The following MCTP1 variants were observed in gnomAD, a reference collection of about 807,000 sequenced individuals.
MCTP1 encodes the protein multiple C2 and transmembrane domain containing 1, also known as multiple C2 and transmembrane domain-containing protein 1.
A neutral mutation model predicts 120.6 loss-of-function variants in MCTP1; 69 were observed. The observed-to-expected ratio is 0.57, with a 90% confidence interval of 0.47 to 0.70. The LOEUF is 0.70. MCTP1 is among the 30% of genes least tolerant of loss of function. The pLI, the probability that MCTP1 is intolerant of heterozygous loss-of-function variation, is 0.00. For missense variants in MCTP1, 1,203 were observed against 1,248.8 expected (o/e 0.96, Z 0.55); for synonymous variants, 529 against 493.1 (o/e 1.07, Z -0.96).
At chr5:95,197,239 TTA>T (rs1750496031) in intron 1 of MCTP1, among the ~76,000 whole-genome samples, 4 of 152,328 alleles carry the variant, frequency 2.6e-5, no homozygotes, top group African/African-American at 7.2e-5. Flanking sequence ...AGCCAACTTG[TTA>T]AGATTTAATA....
At chr5:95,235,100 T>C (rs188053619) in intron 1 of MCTP1, among the ~76,000 whole-genome samples, 278 of 152,040 alleles carry the variant, frequency 1.8e-3, no homozygotes, top group African/African-American at 6.5e-3. Context: ...ATAAACAATA[T>C]ATAAAATTAA....
chr5:94,844,301 C>CAAAAAAAAAAAAAAAAAAAAAAA (rs59169145), intron 17 of MCTP1, among the ~76,000 whole-genome samples: 8 of 79,706 alleles, frequency 1.0e-4, no homozygotes, highest in Non-Finnish European at 1.1e-4. Flanking sequence ...GACTCTGTCT[C>CAAAAAAAAAAAAAAAAAAAAAAA]AAAAAAAAAA....
At chr5:94,965,574 C>T (rs1378464811) in intron 2 of MCTP1, among the ~76,000 whole-genome samples, 1 of 152,106 alleles carries the variant, frequency 6.6e-6, no homozygotes, top group Non-Finnish European at 1.5e-5. Flanking sequence ...ATCTCCTATT[C>T]TGCCATCTTG....
intron 1 of MCTP1, among the ~76,000 whole-genome samples, chr5:95,213,983 G>C (rs1752721345): frequency 6.6e-6 from 1 of 152,004 alleles, no homozygotes; most frequent in African/African-American, 2.4e-5. Flanking sequence ...AACACCAAAA[G>C]CAATGGCAAC....
At chr5:95,038,908 G>A (rs944426933) in intron 1 of MCTP1, among the ~76,000 whole-genome samples, 3 of 151,906 alleles carry the variant, frequency 2.0e-5, no homozygotes, top group Non-Finnish European at 2.9e-5. Flanking sequence ...TACCCTCTTC[G>A]ACCCTCAATT....
At chr5:94,963,827 A>G (rs886436168) in intron 2 of MCTP1, among the ~76,000 whole-genome samples, 1 of 152,068 alleles carries the variant, frequency 6.6e-6, no homozygotes, top group African/African-American at 2.4e-5. Context: ...ATGTATTCCC[A>G]TGTACCTATC....
At chr5:95,065,267 G>A (rs1582114035) in intron 1 of MCTP1, among the ~76,000 whole-genome samples, 1 of 151,212 alleles carries the variant, frequency 6.6e-6, no homozygotes, top group East Asian at 1.9e-4. Context: ...ATTCTTTAAG[G>A]CCAATAATTG....
At position 95,284,679 on chromosome 5, in the gene MCTP1, TGGC is replaced by T. The variant is rs71910468; in HGVS notation, c.-107_-105del. On this transcript the variant is annotated 5_prime_UTR_variant, in exon 1 of 23. Transcript: ENST00000515393. The surrounding 1 kb of genome is among the most constrained non-coding windows in gnomAD (Gnocchi z 5.2). The stretch of plus-strand genomic sequence containing the variant: ...TCCCGGGTCCCCGCGGCGCTGGCGG[TGGC>T]GGCGGCGGCGGCGGCGGGCGCAGCA... 28,765 of 937,608 alleles carry T rather than the reference TGGC, an allele frequency of 0.031. 919 individuals are homozygous for T. The highest frequency in any genetic ancestry group is 0.15 in the African/African-American group (8,469 of 54,916). The allele number at this position is 937,608 out of a possible 1,614,324, so 58.1% of individuals were successfully genotyped here. A position where few individuals can be genotyped will look rare whatever the true frequency, so the allele number is the denominator to read the frequency against.
At chr5:95,276,997 A>C (rs190987371) in intron 1 of MCTP1, among the ~76,000 whole-genome samples, 2 of 152,072 alleles carry the variant, frequency 1.3e-5, no homozygotes, top group East Asian at 1.9e-4. Context: ...GGTCAAGGAG[A>C]TGGGTCAAGG....
chr5:94,773,116 C>A (rs1191191506), intron 19 of MCTP1, among the ~76,000 whole-genome samples: 5 of 152,088 alleles, frequency 3.3e-5, no homozygotes, highest in Non-Finnish European at 7.4e-5. Context: ...GAAATGGATC[C>A]TTCCCTGATT....
At chr5:94,752,108 A>ATATAT (rs1768523763) in intron 19 of MCTP1, among the ~76,000 whole-genome samples, 3 of 75,802 alleles carry the variant, frequency 4.0e-5, no homozygotes, top group African/African-American at 1.1e-4. Context: ...TAAATAATAA[A>ATATAT]ATATATATAT....
intron 17 of MCTP1, chr5:94,867,237 C>A: frequency 7.0e-7 from 1 of 1,433,204 alleles, no homozygotes; most frequent in Non-Finnish European, 9.2e-7. Context: ...TAAAACTTAA[C>A]GATAATGACA....
At chr5:94,944,172 A>C (rs1818393070) in intron 3 of MCTP1, among the ~76,000 whole-genome samples, 1 of 152,182 alleles carries the variant, frequency 6.6e-6, no homozygotes, top group Non-Finnish European at 1.5e-5. Flanking sequence ...TTGAAGAGTC[A>C]CATGGGGATT....
intron 17 of MCTP1, among the ~76,000 whole-genome samples, chr5:94,850,121 T>G (rs1793355164): frequency 6.6e-6 from 1 of 152,126 alleles, no homozygotes; most frequent in Non-Finnish European, 1.5e-5. Context: ...ATTTGTGGAT[T>G]AAAAAATAAA....
intron 18 of MCTP1, chr5:94,788,866 A>G (rs1778314562): frequency 1.3e-5 from 2 of 152,166 alleles, no homozygotes; most frequent in African/African-American, 2.4e-5. Context: ...GGGGGCAGAT[A>G]TTTGGAAGAA....
chr5:94,857,387 T>C (rs1031725006), intron 17 of MCTP1, among the ~76,000 whole-genome samples: 2 of 151,748 alleles, frequency 1.3e-5, no homozygotes, highest in African/African-American at 2.4e-5. Flanking sequence ...TTGTATTTTC[T>C]AGTTCCTTAA....
At chr5:95,025,687 A>G (rs906125187) in intron 1 of MCTP1, among the ~76,000 whole-genome samples, 1 of 152,168 alleles carries the variant, frequency 6.6e-6, no homozygotes, top group African/African-American at 2.4e-5. Flanking sequence ...TGGTGATGCC[A>G]AATTTCCTTA....
chr5:95,225,080 C>G (rs140697306), intron 1 of MCTP1, among the ~76,000 whole-genome samples: 1 of 151,878 alleles, frequency 6.6e-6, no homozygotes, highest in South Asian at 2.1e-4. Flanking sequence ...TTTCTTTTAG[C>G]TTACAAAAAT....
intron 12 of MCTP1, among the ~76,000 whole-genome samples, chr5:94,883,691 C>A (rs1800618428): frequency 6.6e-6 from 1 of 152,066 alleles, no homozygotes. Context: ...TATCAGACAT[C>A]GTTGATTTTA....
Sources: gnomAD v4.1 joint callset for allele counts (sites outside exome capture counted in the v4.1 genomes callset) on GRCh38, gnomAD v4.1.1 for gene constraint, Gnocchi (gnomAD v3.1) non-coding constraint, MANE v1.5 for transcripts, NCBI Gene and HGNC (gene_info 2026-07-23, HGNC 2026-07-21) for gene names.